The following CHRDL1 variants were observed in gnomAD, a reference collection of about 807,000 sequenced individuals.
CHRDL1 encodes the protein chordin like 1, also known as chordin-like protein 1.
Under a neutral mutation model 40.9 loss-of-function variants are expected in CHRDL1, and 19 were observed. That is an observed-to-expected ratio of 0.46 (90% CI 0.32 to 0.68). The LOEUF (loss-of-function observed/expected upper bound fraction) is 0.68, where lower values mean the gene tolerates loss of function less well. CHRDL1 is among the 30% of genes least tolerant of loss of function. CHRDL1 has a pLI of 0.03. For missense variants in CHRDL1, 329 were observed against 352.1 expected, an observed-to-expected ratio of 0.93 and a Z score of 0.53; for synonymous variants, 136 against 123.4, an observed-to-expected ratio of 1.10 and a Z score of -0.68.
In CHRDL1 at chrX:110,757,985, C is replaced by G. The variant is rs989005599; in HGVS notation, c.301+1676G>C. 2.7e-5 allele frequency among the ~76,000 whole-genome samples: 3 copies of G among 109,730 alleles called. No homozygotes were observed. In the Admixed American group the frequency reaches 2.9e-4, roughly 11 times the overall value. Reference sequence around the variant, plus strand: ...AACCTTCTTCCCAGGGAAGAACAATCTTTACACAGAAGTTTAGATAAGTTC... The same window carrying G: ...AACCTTCTTCCCAGGGAAGAACAATGTTTACACAGAAGTTTAGATAAGTTC... On this transcript the variant is annotated intron_variant, in intron 4 of 11. Transcript: ENST00000372042.
At chrX:110,782,174 T>C (rs2089956838) in intron 2 of CHRDL1, among the ~76,000 whole-genome samples, 1 of 112,024 alleles carries the variant, frequency 8.9e-6, no homozygotes, top group Admixed American at 9.5e-5. Flanking sequence ...CAACAAGTTA[T>C]ATTTGTTGAG....
At chrX:110,691,139 G>A (rs1025737050) in intron 8 of CHRDL1, among the ~76,000 whole-genome samples, 22 of 107,903 alleles carry the variant, frequency 2.0e-4, no homozygotes, top group African/African-American at 6.4e-4. Flanking sequence ...ACTTGGGCCC[G>A]GGAAGTCGAG....
intron 6 of CHRDL1, among the ~76,000 whole-genome samples, chrX:110,703,727 G>C (rs983008585): frequency 2.7e-5 from 3 of 112,055 alleles, no homozygotes; most frequent in African/African-American, 9.7e-5. Flanking sequence ...AGATGTAATC[G>C]TAGAAAGCTT....
intron 10 of CHRDL1, among the ~76,000 whole-genome samples, chrX:110,680,075 A>G (rs2069861487): frequency 8.9e-6 from 1 of 112,065 alleles, no homozygotes; most frequent in South Asian, 3.8e-4. Flanking sequence ...AAGGAGCAAC[A>G]TATTACCAGC....
chrX:110,752,835 C>T (rs73528249), intron 4 of CHRDL1, among the ~76,000 whole-genome samples: 2,735 of 110,313 alleles, frequency 0.025, 86 homozygotes, highest in African/African-American at 0.085. Context: ...AAGAGACAAA[C>T]GAATATAGAA....
chrX:110,736,499 G>T (rs2071265786), intron 4 of CHRDL1, among the ~76,000 whole-genome samples: 1 of 111,972 alleles, frequency 8.9e-6, no homozygotes, highest in South Asian at 3.8e-4. Flanking sequence ...GATGATAGGG[G>T]TCAGAGATCA....
chrX:110,683,164 T>A (rs2069936639), intron 9 of CHRDL1, among the ~76,000 whole-genome samples: 1 of 107,266 alleles, frequency 9.3e-6, no homozygotes, highest in African/African-American at 3.5e-5. Context: ...CACCACTACC[T>A]CCTTCCCTAC....
At chrX:110,786,482 C>T (rs951054776) in intron 2 of CHRDL1, among the ~76,000 whole-genome samples, 1 of 111,672 alleles carries the variant, frequency 9.0e-6, no homozygotes, top group East Asian at 2.8e-4. Flanking sequence ...GTTCCACCTC[C>T]CCAGCCCCTA....
chrX:110,732,793 G>A (rs779998254), intron 4 of CHRDL1, among the ~76,000 whole-genome samples: 6 of 110,542 alleles, frequency 5.4e-5, no homozygotes, highest in South Asian at 8.0e-4. Context: ...GGCAGGGGGA[G>A]GGCCCATGTA....
chrX:110,688,036 T>C (rs1460145808), intron 9 of CHRDL1, among the ~76,000 whole-genome samples: 2 of 110,975 alleles, frequency 1.8e-5, no homozygotes, highest in Non-Finnish European at 3.8e-5. Flanking sequence ...CTTTAAAAAA[T>C]AAATAATAAT....
At chrX:110,761,713 A>C (rs1341251897) in intron 3 of CHRDL1, among the ~76,000 whole-genome samples, 1 of 112,428 alleles carries the variant, frequency 8.9e-6, no homozygotes, top group East Asian at 2.8e-4. Flanking sequence ...TCTATAGTGC[A>C]AACAAGAAAC....
At chrX:110,711,975 A>G (rs1480445523) in intron 6 of CHRDL1, among the ~76,000 whole-genome samples, 1 of 111,841 alleles carries the variant, frequency 8.9e-6, no homozygotes, top group Non-Finnish European at 1.9e-5. Flanking sequence ...GCTTGGGTTG[A>G]GCAAATTGTA....
chrX:110,679,520 T>C, intron 10 of CHRDL1, 95 bp from the exon 11 acceptor site: 2 of 584,790 alleles, frequency 3.4e-6, no homozygotes, highest in South Asian at 2.6e-5. Flanking sequence ...ATCATTTCAT[T>C]ACTAGGGCTT....
chrX:110,685,823 T>C (rs745986832), intron 9 of CHRDL1, among the ~76,000 whole-genome samples: 2 of 110,682 alleles, frequency 1.8e-5, no homozygotes, highest in Non-Finnish European at 3.8e-5. Flanking sequence ...TTCTTATTTG[T>C]ATATCTTTGT....
intron 6 of CHRDL1, among the ~76,000 whole-genome samples, chrX:110,711,917 G>A (rs1387382773): frequency 8.9e-6 from 1 of 111,868 alleles, no homozygotes; most frequent in Admixed American, 9.5e-5. Flanking sequence ...CATAAAAAGT[G>A]ACTTCCATTT....
chrX:110,689,524 C>CTATATA (rs1168072528), intron 8 of CHRDL1, among the ~76,000 whole-genome samples: 5 of 22,831 alleles, frequency 2.2e-4, no homozygotes, highest in Non-Finnish European at 3.3e-4. Context: ...CTCTATATAT[C>CTATATA]TATCTATATA....
At chrX:110,775,343 A>G (rs1210596976) in intron 2 of CHRDL1, among the ~76,000 whole-genome samples, 1 of 111,787 alleles carries the variant, frequency 8.9e-6, no homozygotes, top group Non-Finnish European at 1.9e-5. Flanking sequence ...CACTAAAAAA[A>G]TAAAATTTGA....
chrX:110,676,473 G>C, intron 11 of CHRDL1, 112 bp from the exon 12 acceptor site: 1 of 675,088 alleles, frequency 1.5e-6, no homozygotes, highest in East Asian at 3.7e-5. Context: ...GGACCTACCA[G>C]GGAATTTGGA....
At chrX:110,744,036 G>A (rs1312154425) in intron 4 of CHRDL1, among the ~76,000 whole-genome samples, 2 of 112,314 alleles carry the variant, frequency 1.8e-5, no homozygotes, top group East Asian at 5.6e-4. Flanking sequence ...CTAAAGTGGG[G>A]TAGGAAGGAC....
Sources: gnomAD v4.1 joint callset for allele counts (sites outside exome capture counted in the v4.1 genomes callset) on GRCh38, gnomAD v4.1.1 for gene constraint, MANE v1.5 for transcripts, NCBI Gene and HGNC (gene_info 2026-07-23, HGNC 2026-07-21) for gene names.